CAV3: variants seen among roughly 807,000 people sequenced by gnomAD.
CAV3 encodes the protein caveolin-3.
In CAV3, 10 loss-of-function variants were observed where a neutral mutation model predicts 13.4. The ratio of observed to expected loss-of-function variants is 0.75; its 90% CI spans 0.46 to 1.27. CAV3 has a LOEUF of 1.27. Ranked by LOEUF, CAV3 falls within the 50% of genes most tolerant of loss-of-function variation. The pLI, the probability that CAV3 is intolerant of heterozygous loss-of-function variation, is 0.00. For synonymous variants in CAV3, 90 were observed against 79.0 expected (o/e 1.14, Z -0.74); for missense variants, 162 against 194.0 (o/e 0.83, Z 0.98).
Position 8,745,822 on chromosome 3 carries a change from C to G in CAV3, c.411C>G (p.Gly137=). The G allele has an allele frequency of 6.2e-7, 1 of 1,613,768 alleles. No homozygotes were observed. Among genetic ancestry groups the G allele is most frequent in the Non-Finnish European group, 8.5e-7 (1 of 1,180,042 alleles). The change falls in exon 2 of 2, where the codon GGC becomes GGG. Residue 137 remains glycine (G), a synonymous_variant. Coordinates refer to ENST00000343849, the MANE Select transcript of CAV3 (RefSeq NM_033337.3). The surrounding 1 kb of genome is among the most constrained non-coding windows in gnomAD (Gnocchi z 4.8). ...TFCNPLFAAL[G]QVCSSIKVVL... The stretch of plus-strand genomic sequence containing the variant: ...GCAACCCACTCTTCGCGGCCCTGGG[C>G]CAGGTCTGCAGCAGCATCAAGGTGG...
chr3:8,740,068 T>C (rs1707904855), intron 1 of CAV3, among the ~76,000 whole-genome samples: 1 of 152,208 alleles, frequency 6.6e-6, no homozygotes. Flanking sequence ...CTTATTCACA[T>C]GGCCTCTCCA....
At chr3:8,744,388 C>G (rs929039941) in intron 1 of CAV3, among the ~76,000 whole-genome samples, 1 of 150,690 alleles carries the variant, frequency 6.6e-6, no homozygotes, top group Non-Finnish European at 1.5e-5. Context: ...ATGCCGTTCT[C>G]CTTCCTCAGC....
intron 1 of CAV3, among the ~76,000 whole-genome samples, chr3:8,743,631 C>T (rs954682767): frequency 6.6e-6 from 1 of 152,196 alleles, no homozygotes; most frequent in Admixed American, 6.5e-5. Context: ...AACTGTGCTG[C>T]CTGCTGACAC....
At chr3:8,744,166 G>A (rs941705566) in intron 1 of CAV3, among the ~76,000 whole-genome samples, 3 of 152,128 alleles carry the variant, frequency 2.0e-5, no homozygotes, top group Non-Finnish European at 1.5e-5. Flanking sequence ...TCAGGCATTA[G>A]CAAACAGCTC....
chr3:8,745,246 T>C lies in CAV3; in HGVS notation c.115-280T>C, dbSNP rs1708115427. Among the ~76,000 whole-genome samples, 1 of 152,126 alleles carries C rather than the reference T, an allele frequency of 6.6e-6. No homozygotes were observed. Among genetic ancestry groups the C allele is most frequent in the Non-Finnish European group, 1.5e-5 (1 of 68,028 alleles). On this transcript the variant is annotated intron_variant, in intron 1 of 1. Transcript: ENST00000343849. The surrounding 1 kb of genome is among the most constrained non-coding windows in gnomAD (Gnocchi z 4.8). ...CTGCTCTCCCTTCTCTAGCCATGGTTGAAAGCTCCCTGCGGCCTCACCTGA... is the reference window on the plus strand; with the variant it reads ...CTGCTCTCCCTTCTCTAGCCATGGTCGAAAGCTCCCTGCGGCCTCACCTGA...
chr3:8,741,820 C>T (rs922334873), intron 1 of CAV3, among the ~76,000 whole-genome samples: 2 of 152,210 alleles, frequency 1.3e-5, no homozygotes, highest in African/African-American at 4.8e-5. Context: ...TGCTATCCTA[C>T]ACCTTCCCCG....
At position 8,746,181 on chromosome 3, in the gene CAV3, T is replaced by G; in HGVS notation, c.*314T>G. The G allele has an allele frequency of 1.5e-5, 4 of 269,968 alleles. No individual in the cohort carries two copies. The highest frequency in any genetic ancestry group is 4.7e-5 in the Admixed American group (1 of 21,230). The allele number at this position is 269,968 out of a possible 1,614,324, so 16.7% of individuals were successfully genotyped here. A position where few individuals can be genotyped will look rare whatever the true frequency, so the allele number is the denominator to read the frequency against. On this transcript the variant is annotated 3_prime_UTR_variant, in exon 2 of 2. Coordinates refer to ENST00000343849, the MANE Select transcript of CAV3 (RefSeq NM_033337.3). ...TGTAACAACATAAACCAGCACGCGG[T>G]TCCCACCCGGGGCCAACCTCTCCAC...
intron 1 of CAV3, among the ~76,000 whole-genome samples, chr3:8,743,855 G>A (rs1432097130): frequency 6.6e-6 from 1 of 152,222 alleles, no homozygotes; most frequent in Non-Finnish European, 1.5e-5. Context: ...TTTAGTAATA[G>A]AGAAGTACAA....
At chr3:8,744,647 A>G (rs1424880279) in intron 1 of CAV3, among the ~76,000 whole-genome samples, 1 of 152,068 alleles carries the variant, frequency 6.6e-6, no homozygotes, top group Admixed American at 6.5e-5. Context: ...AAGGTGCTTC[A>G]TGCATAGCAG....
chr3:8,739,239 C>A (rs908509602), intron 1 of CAV3, among the ~76,000 whole-genome samples: 8 of 152,188 alleles, frequency 5.3e-5, no homozygotes, highest in African/African-American at 1.7e-4. Flanking sequence ...TACTAAACTG[C>A]AGATTCCTTG....
At chr3:8,735,624 C>A (rs62242629) in intron 1 of CAV3, among the ~76,000 whole-genome samples, 11,595 of 152,250 alleles carry the variant, frequency 0.076, 466 homozygotes, top group Non-Finnish European at 0.086. Flanking sequence ...GCCTGTATTG[C>A]GGTCTTTCAG....
intron 1 of CAV3, among the ~76,000 whole-genome samples, chr3:8,741,019 C>G (rs1252677514): frequency 6.6e-6 from 1 of 152,216 alleles, no homozygotes; most frequent in Non-Finnish European, 1.5e-5. Context: ...GTGGGTGTTA[C>G]CATGGTTATC....
intron 1 of CAV3, among the ~76,000 whole-genome samples, chr3:8,740,278 C>G (rs1467598372): frequency 1.3e-5 from 2 of 151,980 alleles, no homozygotes; most frequent in African/African-American, 4.8e-5. Flanking sequence ...CAGGGCAAGC[C>G]CAGACTCAAG....
At chr3:8,740,865 C>T (rs921273021) in intron 1 of CAV3, among the ~76,000 whole-genome samples, 3 of 152,232 alleles carry the variant, frequency 2.0e-5, no homozygotes, top group African/African-American at 7.2e-5. Context: ...TGGCCTCAGG[C>T]CCTGCTGGGG....
intron 1 of CAV3, among the ~76,000 whole-genome samples, chr3:8,737,948 C>G (rs1015944733): frequency 1.5e-4 from 23 of 152,206 alleles, no homozygotes; most frequent in African/African-American, 5.5e-4. Flanking sequence ...TCCAAGAGGG[C>G]TTAGGGCCAC....
intron 1 of CAV3, among the ~76,000 whole-genome samples, chr3:8,744,366 C>A (rs1205639721): frequency 1.3e-5 from 2 of 151,266 alleles, no homozygotes; most frequent in African/African-American, 4.9e-5. Context: ...GCAAGCCCCG[C>A]CTCCCGGGTT....
chr3:8,742,181 G>T (rs550480368), intron 1 of CAV3, among the ~76,000 whole-genome samples: 1 of 152,212 alleles, frequency 6.6e-6, no homozygotes, highest in South Asian at 2.1e-4. Context: ...TGTGGCCAAA[G>T]CTCTCTCAAT....
chr3:8,735,224 A>C lies in CAV3; in HGVS notation c.114+1234A>C, dbSNP rs1470294445. 2.6e-5 allele frequency among the ~76,000 whole-genome samples: 4 copies of C among 152,262 alleles called. No homozygotes were observed. In the East Asian group the frequency reaches 7.7e-4, roughly 29 times the overall value. ...CAGCCACATTTTAAAATGCGAAAGCAAACAGGTGAAATTAATGTTCCTGAT... is the reference window on the plus strand; with the variant it reads ...CAGCCACATTTTAAAATGCGAAAGCCAACAGGTGAAATTAATGTTCCTGAT... On this transcript the variant is annotated intron_variant, in intron 1 of 1. Transcript: ENST00000343849.
intron 1 of CAV3, among the ~76,000 whole-genome samples, chr3:8,742,065 T>C (rs527421013): frequency 6.6e-6 from 1 of 152,222 alleles, no homozygotes; most frequent in African/African-American, 2.4e-5. Flanking sequence ...TCCTCTCTTC[T>C]GGAAAGGAAT....
Sources: gnomAD v4.1 joint callset for allele counts (sites outside exome capture counted in the v4.1 genomes callset) on GRCh38, gnomAD v4.1.1 for gene constraint, Gnocchi (gnomAD v3.1) non-coding constraint, MANE v1.5 for transcripts, NCBI Gene and HGNC (gene_info 2026-07-23, HGNC 2026-07-21) for gene names.